Variants in MBD5 observed in about 807,000 individuals in gnomAD.
MBD5 encodes methyl-CpG binding domain protein 5, also known as methyl-CpG-binding domain protein 5.
Under a neutral mutation model 117.3 loss-of-function variants are expected in MBD5, and 13 were observed. The observed-to-expected ratio is 0.11, with a 90% CI of 0.07 to 0.18. The LOEUF is 0.18. Among genes scored for constraint, MBD5 ranks in the 10% least tolerant of loss-of-function variants. MBD5 has a pLI of 1.00. For synonymous variants in MBD5, 727 were observed against 766.4 expected (o/e 0.95, Z 0.85); for missense variants, 1,879 against 2,093.8 (o/e 0.90, Z 2.00).
rs575557559 is a variant in MBD5, at chr2:148,513,949, A to G, written c.*1008A>G. 1 of 152,316 alleles carries G rather than the reference A, an allele frequency of 6.6e-6. No individual in the cohort carries two copies. The highest frequency in any genetic ancestry group is 2.1e-4 in the South Asian group (1 of 4,826). 9.4% of individuals were successfully genotyped at this position (152,316 alleles called of 1,614,324 possible). A position where few individuals can be genotyped will look rare whatever the true frequency, so the allele number is the denominator to read the frequency against. ...GAGGCAAAAACCCCACTTTGCAACC[A>G]TTATCAGAGGTAAGATTGATAATAA... is the stretch of plus-strand genomic sequence containing the variant. On this transcript the variant is annotated 3_prime_UTR_variant, in exon 14 of 14. Transcript: ENST00000642680.
At chr2:148,246,102 A>G (rs542164984) in intron 3 of MBD5, among the ~76,000 whole-genome samples, 2 of 152,326 alleles carry the variant, frequency 1.3e-5, no homozygotes, top group Admixed American at 6.5e-5. Context: ...TAAGTGCCCT[A>G]TGCTACATAT....
At chr2:148,083,916 G>A (rs1695713745) in intron 1 of MBD5, among the ~76,000 whole-genome samples, 1 of 152,130 alleles carries the variant, frequency 6.6e-6, no homozygotes, top group African/African-American at 2.4e-5. Flanking sequence ...ATGAGCCACT[G>A]CACCTGGCTG....
chr2:148,446,597 T>TC, intron 4 of MBD5, among the ~76,000 whole-genome samples: 1 of 123,416 alleles, frequency 8.1e-6, no homozygotes, highest in South Asian at 3.0e-4. Context: ...TACCAGATTA[T>TC]TTATCTGTGT....
chr2:148,145,320 G>T (rs1405465756), intron 1 of MBD5, among the ~76,000 whole-genome samples: 2 of 152,194 alleles, frequency 1.3e-5, no homozygotes, highest in Non-Finnish European at 2.9e-5. Context: ...CTTTGCTGAA[G>T]TTGCTTATCA....
chr2:148,203,774 C>T (rs1699203155), intron 2 of MBD5, among the ~76,000 whole-genome samples: 1 of 130,662 alleles, frequency 7.7e-6, no homozygotes, highest in African/African-American at 2.7e-5. Flanking sequence ...ACTCATCTCA[C>T]CTTTGTTCCC....
chr2:148,490,522 T>A lies in MBD5; in HGVS notation c.4890T>A (p.Thr1630=), dbSNP rs1268822032. Residue 1630 remains threonine (T), a synonymous_variant, in exon 11 of 14, where the codon ACT becomes ACA. Transcript: ENST00000642680. The part of the protein sequence containing the change: ...DLVWGQIKGL[T]SWPGKLVRED... Reference sequence around the variant, plus strand: ...TCTGGGGCCAAATCAAAGGACTGACTTCCTGGCCTGGAAAATTAGTAAGAG... The same window carrying A: ...TCTGGGGCCAAATCAAAGGACTGACATCCTGGCCTGGAAAATTAGTAAGAG... 1 of 1,614,182 alleles carries A rather than the reference T, an allele frequency of 6.2e-7. No homozygotes were observed. Among genetic ancestry groups the A allele is most frequent in the South Asian group, 1.1e-5 (1 of 91,076 alleles).
intron 4 of MBD5, among the ~76,000 whole-genome samples, chr2:148,443,140 A>G (rs1025010679): frequency 1.3e-5 from 2 of 151,502 alleles, no homozygotes; most frequent in Admixed American, 6.6e-5. Context: ...AGGCATATGA[A>G]AAGGTGCTCA....
At chr2:148,433,799 G>A (rs912863094) in intron 4 of MBD5, among the ~76,000 whole-genome samples, 6 of 152,086 alleles carry the variant, frequency 3.9e-5, no homozygotes, top group Non-Finnish European at 5.9e-5. Flanking sequence ...AAGGAGATTG[G>A]CCTGAAGTTT....
Position 148,376,011 on chromosome 2 carries a change from A to G in MBD5, c.-557+33675A>G, listed in dbSNP as rs1350432556. Among the ~76,000 whole-genome samples the G allele has an allele frequency of 2.0e-5, 3 of 150,904 alleles. No individual in the cohort carries two copies. In the East Asian group the frequency reaches 5.8e-4, roughly 29 times the overall value. On this transcript the variant is annotated intron_variant, in intron 4 of 13. Coordinates refer to ENST00000642680, the MANE Select transcript of MBD5 (RefSeq NM_001378120.1). ...CTTTGTTATTGGGGCTTTCCTGTGC[A>G]TTGTAGGATGTTTAGCAGCATCCCT...
chr2:148,378,714 TA>T (rs1292368703), intron 4 of MBD5, among the ~76,000 whole-genome samples: 1 of 152,106 alleles, frequency 6.6e-6, no homozygotes, highest in African/African-American at 2.4e-5. Context: ...TTAATGTGTT[TA>T]TTTAGTACCC....
intron 3 of MBD5, among the ~76,000 whole-genome samples, chr2:148,243,105 G>C (rs1296853615): frequency 6.6e-6 from 1 of 150,682 alleles, no homozygotes; most frequent in Non-Finnish European, 1.5e-5. Context: ...TGCATAGCAT[G>C]AATTGCTACA....
chr2:148,317,975 G>A (rs1702193477), intron 3 of MBD5, among the ~76,000 whole-genome samples: 4 of 152,278 alleles, frequency 2.6e-5, no homozygotes, highest in African/African-American at 9.6e-5. Context: ...ATACTCAGTG[G>A]TGGAATTGCT....
intron 4 of MBD5, among the ~76,000 whole-genome samples, chr2:148,423,952 G>A (rs1325421876): frequency 3.9e-5 from 6 of 151,990 alleles, no homozygotes; most frequent in Non-Finnish European, 8.8e-5. Context: ...GCTGAGGCAG[G>A]CAGATCACGA....
chr2:148,110,689 T>G lies in MBD5; in HGVS notation c.-924-68011T>G, dbSNP rs141634112. On this transcript the variant is annotated intron_variant, in intron 1 of 13. Coordinates refer to ENST00000642680, the MANE Select transcript of MBD5 (RefSeq NM_001378120.1). ...TTGTCTTCTCATTTTGTTTGTGGTG[T>G]TGTTGCTGCAGGATCGTTTTTTAGC... Among the ~76,000 whole-genome samples the G allele has an allele frequency of 2.9e-4, 44 of 152,138 alleles. 1 individual carries two copies. The East Asian group carries it at 3.5e-3, about 12-fold the overall frequency.
At chr2:148,104,113 T>A (rs1417250854) in intron 1 of MBD5, among the ~76,000 whole-genome samples, 3 of 152,172 alleles carry the variant, frequency 2.0e-5, no homozygotes, top group African/African-American at 7.2e-5. Context: ...CATTTAAGAT[T>A]AGGTATATCT....
At chr2:148,166,566 C>G (rs962704343) in intron 1 of MBD5, among the ~76,000 whole-genome samples, 1 of 152,156 alleles carries the variant, frequency 6.6e-6, no homozygotes, top group Non-Finnish European at 1.5e-5. Flanking sequence ...ATTAACTAAC[C>G]TCCTTTTCCT....
At chr2:148,153,986 A>G (rs1212556134) in intron 1 of MBD5, among the ~76,000 whole-genome samples, 8 of 123,382 alleles carry the variant, frequency 6.5e-5, no homozygotes, top group African/African-American at 2.4e-4. Context: ...CTGGTGAGGA[A>G]CTGCGTTCCT....
At chr2:148,504,741 C>T (rs1681978025) in intron 12 of MBD5, among the ~76,000 whole-genome samples, 1 of 152,144 alleles carries the variant, frequency 6.6e-6, no homozygotes, top group African/African-American at 2.4e-5. Flanking sequence ...ACATAGGCAT[C>T]AGCCACACAA....
At chr2:148,095,041 A>G (rs745421469) in intron 1 of MBD5, among the ~76,000 whole-genome samples, 2 of 152,158 alleles carry the variant, frequency 1.3e-5, no homozygotes, top group Admixed American at 6.5e-5. Context: ...CAGGGTATAA[A>G]TAATAAATGA....
Sources: allele counts gnomAD v4.1 joint callset (sites outside exome capture counted in the v4.1 genomes callset), GRCh38; gene constraint gnomAD v4.1.1; transcripts MANE v1.5; gene names NCBI Gene and HGNC (gene_info 2026-07-23, HGNC 2026-07-21).